The following LRP1B variants were observed in gnomAD, a reference collection of about 807,000 sequenced individuals.
The protein encoded by LRP1B is LDL receptor related protein 1B, also known as low-density lipoprotein receptor-related protein 1B.
In LRP1B, 217 loss-of-function variants were observed where a neutral mutation model predicts 556.6. That is an observed-to-expected ratio of 0.39 (90% CI 0.35 to 0.44). LRP1B has a LOEUF of 0.44. Among genes scored for constraint, LRP1B ranks in the 20% least tolerant of loss-of-function variants. The probability of loss-of-function intolerance (pLI) is 1.00; values close to 1 mark genes in which losing one functional copy is unlikely to be tolerated. For synonymous variants in LRP1B, 2,047 were observed against 1,865.8 expected, an observed-to-expected ratio of 1.10 and a Z score of -2.50; for missense variants, 5,053 against 5,620.8, an observed-to-expected ratio of 0.90 and a Z score of 3.23.
At chr2:140,859,873 T>A (rs572715659) in intron 27 of LRP1B, among the ~76,000 whole-genome samples, 2 of 152,124 alleles carry the variant, frequency 1.3e-5, no homozygotes, top group African/African-American at 4.8e-5. Context: ...CGGACACCTG[T>A]AGTCCCAGCT....
chr2:140,652,659 T>C (rs1371115440), intron 41 of LRP1B, among the ~76,000 whole-genome samples: 1 of 152,036 alleles, frequency 6.6e-6, no homozygotes, highest in Admixed American at 6.5e-5. Flanking sequence ...AGAAAAAATT[T>C]AGAATCATGA....
At chr2:140,490,694 A>G (rs1276713594) in intron 57 of LRP1B, among the ~76,000 whole-genome samples, 3 of 152,154 alleles carry the variant, frequency 2.0e-5, no homozygotes, top group African/African-American at 7.2e-5. Flanking sequence ...CACTGTGATG[A>G]AACTGTGAGT....
At chr2:140,829,132 C>T (rs114575717) in intron 31 of LRP1B, among the ~76,000 whole-genome samples, 305 of 151,904 alleles carry the variant, frequency 2.0e-3, no homozygotes, top group African/African-American at 6.9e-3. Context: ...ATATATAAAG[C>T]AAATATTAAT....
Position 140,509,999 on chromosome 2 carries a change from G to C in LRP1B, c.8327C>G (p.Pro2776Arg), listed in dbSNP as rs768871345. 6.2e-7 allele frequency: 1 copy of C among 1,613,914 alleles called. No homozygotes were observed. Among genetic ancestry groups the C allele is most frequent in the Non-Finnish European group, 8.5e-7 (1 of 1,180,012 alleles). The stretch of plus-strand genomic sequence containing the variant: ...TTCACCATCACAAAGCCAATGTCGG[G>C]GCACGCAGGCACGAGAGCCCTGGCA... The part of the protein sequence containing the change: ...FSCQGSRACV[P>R]RHWLCDGERD... Residue 2776 changes from proline (P) to arginine (R), a missense_variant, in exon 52 of 91, where the codon CCC becomes CGC. Transcript: ENST00000389484.
intron 41 of LRP1B, among the ~76,000 whole-genome samples, chr2:140,646,488 A>G (rs1408104192): frequency 1.3e-5 from 2 of 152,200 alleles, no homozygotes; most frequent in Non-Finnish European, 2.9e-5. Flanking sequence ...TTTCTAAGAT[A>G]ACACACTTGG....
chr2:141,731,110 G>A (rs908312279), intron 2 of LRP1B, among the ~76,000 whole-genome samples: 1 of 152,100 alleles, frequency 6.6e-6, no homozygotes, highest in Non-Finnish European at 1.5e-5. Context: ...AAGACCATTT[G>A]CTAAGGGTCC....
rs2104873098 is a variant in LRP1B, at chr2:140,495,612, C to T, written c.8987G>A (p.Gly2996Glu). ...YGTYKCLCTD[G>E]YEIQPDNPNG... is the part of the protein sequence containing the mutation. ...TGGGTTATCAGGTTGTATTTCATAC[C>T]CATCTGTACAGAGGCACTTGTAAGT... The change falls in exon 56 of 91, where the codon GGG (glycine) becomes GAG (glutamate). Residue 2996 changes from glycine to glutamate, a missense_variant. Gly to Glu is a moderately conservative substitution (Grantham distance 98). Coordinates refer to ENST00000389484, the MANE Select transcript of LRP1B (RefSeq NM_018557.3). 1 of 1,605,412 alleles carries T rather than the reference C, an allele frequency of 6.2e-7. No homozygotes were observed.
chr2:140,731,429 GAAGAGT>G (rs1316106961), intron 35 of LRP1B, among the ~76,000 whole-genome samples: 1 of 152,148 alleles, frequency 6.6e-6, no homozygotes, highest in Non-Finnish European at 1.5e-5. Flanking sequence ...CTAGAGCAAA[GAAGAGT>G]AAAAGAAGAG....
At chr2:141,452,811 A>C (rs1681471550) in intron 3 of LRP1B, among the ~76,000 whole-genome samples, 1 of 152,198 alleles carries the variant, frequency 6.6e-6, no homozygotes, top group Admixed American at 6.5e-5. Flanking sequence ...CTTAGAGGGT[A>C]ACCTACTTTT....
chr2:141,238,777 A>G (rs1299974144), intron 5 of LRP1B, among the ~76,000 whole-genome samples: 2 of 152,138 alleles, frequency 1.3e-5, no homozygotes, highest in Admixed American at 1.3e-4. Flanking sequence ...GAGTGCAGTG[A>G]AGGATGAATC....
intron 37 of LRP1B, among the ~76,000 whole-genome samples, chr2:140,713,070 A>ACTGCGTACACTAT (rs1687090623): frequency 6.6e-6 from 1 of 151,970 alleles, no homozygotes; most frequent in South Asian, 2.1e-4. Flanking sequence ...GCAGCTTATT[A>ACTGCGTACACTAT]CAGAGCCTGA....
At chr2:141,890,395 A>ATATATATATATATGTATTGTG (rs776446945) in intron 1 of LRP1B, among the ~76,000 whole-genome samples, 50,110 of 122,150 alleles carry the variant, frequency 0.41, 10,625 homozygotes, top group Admixed American at 0.5. Flanking sequence ...TATATAGTGT[A>ATATATATATATATGTATTGTG]TATATATATA....
intron 1 of LRP1B, among the ~76,000 whole-genome samples, chr2:142,078,932 TATTTAGTA>T: frequency 6.6e-6 from 1 of 152,342 alleles, no homozygotes; most frequent in East Asian, 1.9e-4. Context: ...GCTTATAATC[TATTTAGTA>T]AATAGTTCTA....
At chr2:141,919,283 A>G (rs907259932) in intron 1 of LRP1B, among the ~76,000 whole-genome samples, 2 of 152,038 alleles carry the variant, frequency 1.3e-5, no homozygotes, top group African/African-American at 4.8e-5. Context: ...CAAATGCTAT[A>G]TTTTCACACA....
rs561842977 is a variant in LRP1B at position 141,878,512 on chromosome 2, T to C, written c.83-68111A>G. On this transcript the variant is annotated intron_variant, in intron 1 of 90. Coordinates refer to ENST00000389484, the MANE Select transcript of LRP1B (RefSeq NM_018557.3). ...AAAGAGTTGATAGGCAATAAACAAA[T>C]AGAATGGAGAATAGAAGAAATAAAG... Among the ~76,000 whole-genome samples the C allele has an allele frequency of 1.1e-4, 16 of 151,092 alleles. No individual in the cohort carries two copies. The East Asian group carries it at 2.5e-3, about 24-fold the overall frequency.
chr2:140,863,270 G>C (rs2105144842), intron 27 of LRP1B, among the ~76,000 whole-genome samples: 1 of 152,044 alleles, frequency 6.6e-6, no homozygotes, highest in Non-Finnish European at 1.5e-5. Context: ...TTTCTATCAT[G>C]CAAATCTGTT....
intron 41 of LRP1B, among the ~76,000 whole-genome samples, chr2:140,657,774 A>G (rs1684945079): frequency 6.6e-6 from 1 of 151,792 alleles, no homozygotes; most frequent in African/African-American, 2.4e-5. Context: ...CACTGTGATT[A>G]CATTAAAAAC....
chr2:140,382,255 A>G (rs1295139134), intron 67 of LRP1B, among the ~76,000 whole-genome samples: 1 of 152,160 alleles, frequency 6.6e-6, no homozygotes, highest in Non-Finnish European at 1.5e-5. Context: ...AATTCAAATA[A>G]GGCAGAAGCA....
At chr2:141,344,887 A>G (rs1195512229) in intron 3 of LRP1B, among the ~76,000 whole-genome samples, 4 of 152,198 alleles carry the variant, frequency 2.6e-5, no homozygotes, top group Non-Finnish European at 2.9e-5. Context: ...AGATGCCCAC[A>G]TCTTAGTCCC....
Sources: gnomAD v4.1 joint callset for allele counts (sites outside exome capture counted in the v4.1 genomes callset) on GRCh38, gnomAD v4.1.1 for gene constraint, MANE v1.5 for transcripts, NCBI Gene and HGNC (gene_info 2026-07-23, HGNC 2026-07-21) for gene names.